Variants in MACROD2 observed in about 807,000 individuals in gnomAD.
The protein encoded by MACROD2 is mono-ADP ribosylhydrolase 2, also known as ADP-ribose glycohydrolase MACROD2.
MACROD2 carries 36 observed loss-of-function variants against 70.4 expected under a neutral mutation model. The ratio of observed to expected loss-of-function variants is 0.51; its 90% confidence interval spans 0.39 to 0.68. The LOEUF is 0.68. Among genes scored for constraint, MACROD2 ranks in the 30% least tolerant of loss-of-function variants. MACROD2 has a pLI of 0.00. For synonymous variants in MACROD2, 172 were observed against 178.8 expected (o/e 0.96, Z 0.30); for missense variants, 496 against 538.4 (o/e 0.92, Z 0.78).
chr20:14,775,330 T>C (rs1173860848), intron 5 of MACROD2, among the ~76,000 whole-genome samples: 1 of 152,054 alleles, frequency 6.6e-6, no homozygotes, highest in Admixed American at 6.6e-5. Context: ...AAAACAGGTT[T>C]ATTTTGGCTC....
chr20:14,011,228 G>A (rs1326572283), intron 2 of MACROD2, among the ~76,000 whole-genome samples: 1 of 152,124 alleles, frequency 6.6e-6, no homozygotes, highest in East Asian at 1.9e-4. Context: ...CTGGCAAGGT[G>A]CTTCCTGATA....
chr20:14,423,755 ATTTTTTTTTTTTT>A (rs1165796772), intron 3 of MACROD2, among the ~76,000 whole-genome samples: 1,011 of 63,206 alleles, frequency 0.016, 40 homozygotes, highest in African/African-American at 0.055. Context: ...GACATCTTAA[ATTTTTTTTTTTTT>A]TTTTTTTTTT....
chr20:15,305,676 C>T (rs550856305), intron 6 of MACROD2, among the ~76,000 whole-genome samples: 138 of 151,954 alleles, frequency 9.1e-4, no homozygotes, highest in African/African-American at 1.7e-3. Flanking sequence ...TGTGTGTGCG[C>T]GCACACATGT....
At chr20:14,632,784 CTCT>C (rs1984584060) in intron 4 of MACROD2, among the ~76,000 whole-genome samples, 1 of 152,146 alleles carries the variant, frequency 6.6e-6, no homozygotes, top group Non-Finnish European at 1.5e-5. Context: ...AAAAAATGAT[CTCT>C]TATGATAATA....
chr20:14,229,583 A>G (rs962187575), intron 3 of MACROD2, among the ~76,000 whole-genome samples: 1 of 152,248 alleles, frequency 6.6e-6, no homozygotes, highest in African/African-American at 2.4e-5. Context: ...ACGTGGAACA[A>G]CAGTAACTCT....
chr20:15,341,708 TTC>T (rs1373330826), intron 6 of MACROD2, among the ~76,000 whole-genome samples: 1 of 152,188 alleles, frequency 6.6e-6, no homozygotes, highest in Non-Finnish European at 1.5e-5. Flanking sequence ...GACTAGTAGA[TTC>T]TTACTGAGAA....
intron 11 of MACROD2, among the ~76,000 whole-genome samples, chr20:15,934,679 G>A (rs1026273263): frequency 1.4e-5 from 2 of 147,922 alleles, no homozygotes; most frequent in African/African-American, 4.9e-5. Flanking sequence ...TTTTTTGTTT[G>A]TTTTTTGTTT....
At chr20:16,030,889 T>G (rs1404709452) in intron 15 of MACROD2, among the ~76,000 whole-genome samples, 1 of 152,174 alleles carries the variant, frequency 6.6e-6, no homozygotes, top group East Asian at 1.9e-4. Context: ...GAATTGATGA[T>G]CTAATGGTCA....
At chr20:14,789,565 T>A (rs1478633144) in intron 5 of MACROD2, among the ~76,000 whole-genome samples, 1 of 133,014 alleles carries the variant, frequency 7.5e-6, no homozygotes, top group African/African-American at 2.8e-5. Context: ...AACCTCCGCC[T>A]CCCAGGTTCA....
At chr20:14,020,887 A>T (rs1056692381) in intron 2 of MACROD2, among the ~76,000 whole-genome samples, 1 of 152,026 alleles carries the variant, frequency 6.6e-6, no homozygotes, top group Non-Finnish European at 1.5e-5. Context: ...TCTTTTGAAC[A>T]TAGGGATCAT....
intron 3 of MACROD2, among the ~76,000 whole-genome samples, chr20:14,467,640 G>A (rs772876951): frequency 1.3e-5 from 2 of 152,000 alleles, no homozygotes; most frequent in African/African-American, 2.4e-5. Flanking sequence ...GCTGTAGACT[G>A]GAGCTGTTTC....
At chr20:14,726,471 T>G (rs1417525785) in intron 5 of MACROD2, among the ~76,000 whole-genome samples, 2 of 152,176 alleles carry the variant, frequency 1.3e-5, no homozygotes, top group Non-Finnish European at 2.9e-5. Flanking sequence ...CTTTTAAGCT[T>G]CTTATCTGAG....
At chr20:14,932,598 A>G (rs1403854387) in intron 5 of MACROD2, among the ~76,000 whole-genome samples, 2 of 152,068 alleles carry the variant, frequency 1.3e-5, no homozygotes, top group South Asian at 4.2e-4. Context: ...TAGAGTCTCA[A>G]TCTGTTGCCT....
At chr20:14,447,980 G>GTA (rs1318116376) in intron 3 of MACROD2, among the ~76,000 whole-genome samples, 1 of 145,026 alleles carries the variant, frequency 6.9e-6, no homozygotes, top group African/African-American at 2.8e-5. Flanking sequence ...ATGAAAATGT[G>GTA]TGTGTGTGTG....
intron 3 of MACROD2, among the ~76,000 whole-genome samples, chr20:14,401,292 T>C (rs964591762): frequency 4.6e-5 from 7 of 152,218 alleles, no homozygotes; most frequent in Non-Finnish European, 5.9e-5. Flanking sequence ...ATAGAATGAT[T>C]TATATTCCTT....
chr20:14,600,341 T>TATAC (rs536211443), intron 4 of MACROD2, among the ~76,000 whole-genome samples: 2 of 142,110 alleles, frequency 1.4e-5, no homozygotes, highest in Admixed American at 6.9e-5. Context: ...TATATATATA[T>TATAC]ATACACACAC....
chr20:15,546,299 G>C (rs373467939), intron 8 of MACROD2, among the ~76,000 whole-genome samples: 2 of 152,170 alleles, frequency 1.3e-5, no homozygotes, highest in African/African-American at 4.8e-5. Flanking sequence ...CTTCTTGAAC[G>C]TCTGCAGAGA....
intron 5 of MACROD2, among the ~76,000 whole-genome samples, chr20:14,843,627 CA>C (rs1287268381): frequency 6.6e-6 from 1 of 152,082 alleles, no homozygotes; most frequent in Non-Finnish European, 1.5e-5. Context: ...TATTTTCCTA[CA>C]AAGGCAACTG....
At chr20:15,181,925 C>T (rs1177459022) in intron 5 of MACROD2, among the ~76,000 whole-genome samples, 2 of 151,908 alleles carry the variant, frequency 1.3e-5, no homozygotes, top group African/African-American at 4.8e-5. Flanking sequence ...CCAGTGAATG[C>T]TCTGCTCAAA....
Sources: allele counts gnomAD v4.1 joint callset (sites outside exome capture counted in the v4.1 genomes callset), GRCh38; gene constraint gnomAD v4.1.1; transcripts MANE v1.5; gene names NCBI Gene and HGNC (gene_info 2026-07-23, HGNC 2026-07-21).